Variants in USP49 observed in about 807,000 individuals in gnomAD.
USP49 encodes the protein ubiquitin carboxyl-terminal hydrolase 49.
USP49 carries 24 observed loss-of-function variants against 58.6 expected under a neutral mutation model. That is an observed-to-expected ratio of 0.41 (90% CI 0.30 to 0.58). The LOEUF (loss-of-function observed/expected upper bound fraction) is 0.58. Among genes scored for constraint, USP49 ranks in the 20% least tolerant of loss-of-function variants. USP49 has a pLI of 0.30. For synonymous variants in USP49, 408 were observed against 365.1 expected, an observed-to-expected ratio of 1.12 and a Z score of -1.34; for missense variants, 703 against 866.1, an observed-to-expected ratio of 0.81 and a Z score of 2.36.
At chr6:41,829,338 G>A (rs1211399232) in intron 3 of USP49, among the ~76,000 whole-genome samples, 1 of 150,530 alleles carries the variant, frequency 6.6e-6, no homozygotes, top group Non-Finnish European at 1.5e-5. Flanking sequence ...TTTTAAGATG[G>A]TGTTTCGCGC....
chr6:41,856,668 G>A (rs1174429881), intron 3 of USP49, among the ~76,000 whole-genome samples: 1 of 152,138 alleles, frequency 6.6e-6, no homozygotes, highest in Non-Finnish European at 1.5e-5. Context: ...GGTGCAAACT[G>A]TGCCAAACTC....
chr6:41,830,856 G>A (rs995109767), intron 3 of USP49, among the ~76,000 whole-genome samples: 3 of 151,808 alleles, frequency 2.0e-5, no homozygotes, highest in Non-Finnish European at 2.9e-5. Context: ...AAAGCAGCAC[G>A]AAGCACCAGT....
intron 3 of USP49, among the ~76,000 whole-genome samples, chr6:41,857,457 C>A (rs757320076): frequency 6.6e-6 from 1 of 152,116 alleles, no homozygotes; most frequent in Admixed American, 6.6e-5. Context: ...CCAGCCTGGA[C>A]AACATGGCAA....
chr6:41,849,631 C>CT (rs2127349637), intron 3 of USP49, among the ~76,000 whole-genome samples: 1 of 148,116 alleles, frequency 6.8e-6, no homozygotes, highest in African/African-American at 2.5e-5. Flanking sequence ...TTTTTGGAGA[C>CT]TGAGTGTTGC....
At chr6:41,880,223 C>G (rs188492723) in intron 2 of USP49, among the ~76,000 whole-genome samples, 1 of 151,360 alleles carries the variant, frequency 6.6e-6, no homozygotes, top group Non-Finnish European at 1.5e-5. Flanking sequence ...GTTCAAGACA[C>G]CCCCCAGAAA....
chr6:41,806,299 G>T lies in USP49; in HGVS notation c.685C>A (p.Leu229Ile). The change falls in exon 4 of 8, where the codon CTC (leucine) becomes ATC (isoleucine). Residue 229 changes from leucine (L) to isoleucine (I), a missense_variant. Physicochemically the swap from Leu to Ile is conservative, Grantham distance 5. Transcript: ENST00000682992. The surrounding 1 kb of genome is among the most constrained non-coding windows in gnomAD (Gnocchi z 5.9). The part of the protein sequence containing the change: ...AGPAASRPAA[L>I]PTSRRVPAAT... The stretch of plus-strand genomic sequence containing the variant: ...GCGGGCACTCTGCGTGAGGTAGGGA[G>T]GGCGGCGGGGCGCGAGGCAGCCGGG... The T allele has an allele frequency of 6.3e-7, 1 of 1,588,318 alleles. No homozygotes were observed. Among genetic ancestry groups the T allele is most frequent in the Non-Finnish European group, 8.5e-7 (1 of 1,172,708 alleles).
chr6:41,816,702 CTATTAT>C (rs10631115), intron 3 of USP49, among the ~76,000 whole-genome samples: 3 of 149,526 alleles, frequency 2.0e-5, no homozygotes, highest in African/African-American at 4.9e-5. Flanking sequence ...GTTCCACACT[CTATTAT>C]TATTATTATT....
At chr6:41,830,003 C>T (rs552609425) in intron 3 of USP49, among the ~76,000 whole-genome samples, 7 of 152,226 alleles carry the variant, frequency 4.6e-5, no homozygotes, top group African/African-American at 1.4e-4. Context: ...ATGAAACCAT[C>T]CTTGCATATA....
chr6:41,821,489 G>C (rs1020984378), intron 3 of USP49, among the ~76,000 whole-genome samples: 1 of 152,132 alleles, frequency 6.6e-6, no homozygotes, highest in Admixed American at 6.5e-5. Context: ...AGAAAAGTCC[G>C]AGGCCGGGCA....
At position 41,804,106 on chromosome 6, in the gene USP49, AGT is replaced by A. The variant is rs573154550; in HGVS notation, c.1357-98_1357-97del. On this transcript the variant is annotated intron_variant, in intron 4 of 7. Coordinates refer to ENST00000682992, the MANE Select transcript of USP49 (RefSeq NM_001286554.2). Reference sequence around the variant, plus strand: ...TAAAAGACACACTTTATCAAAACTAAGTGTATAATTTTCAAAAAATAGTAATA... The same window carrying A: ...TAAAAGACACACTTTATCAAAACTAAGTATAATTTTCAAAAAATAGTAATA... 151 of 1,107,614 alleles carry A rather than the reference AGT, an allele frequency of 1.4e-4. 2 individuals are homozygous for A. The South Asian group carries it at 2.2e-3, about 16-fold the overall frequency. 68.6% of individuals were successfully genotyped at this position (1,107,614 alleles called of 1,614,324 possible). A position where few individuals can be genotyped will look rare whatever the true frequency, so the allele number is the denominator to read the frequency against.
At chr6:41,850,890 C>T (rs1057330182) in intron 3 of USP49, among the ~76,000 whole-genome samples, 2 of 151,796 alleles carry the variant, frequency 1.3e-5, no homozygotes, top group African/African-American at 2.4e-5. Context: ...CGTAAGCCAC[C>T]GCGCCTGGCC....
chr6:41,830,884 T>C (rs528504499), intron 3 of USP49, among the ~76,000 whole-genome samples: 6 of 151,990 alleles, frequency 3.9e-5, no homozygotes, highest in African/African-American at 1.2e-4. Context: ...GGCCAAGAGA[T>C]TGTTATACAC....
At chr6:41,850,118 G>A (rs565316132) in intron 3 of USP49, among the ~76,000 whole-genome samples, 1 of 152,198 alleles carries the variant, frequency 6.6e-6, no homozygotes, top group Non-Finnish European at 1.5e-5. Context: ...GTGTTAAGAG[G>A]TCAATTTATG....
At chr6:41,802,470 T>TTAA in intron 5 of USP49, among the ~76,000 whole-genome samples, 1 of 85,616 alleles carries the variant, frequency 1.2e-5, no homozygotes, top group African/African-American at 5.1e-5. Flanking sequence ...ATTTATTTAT[T>TTAA]TTTTATTTAT....
At chr6:41,865,916 CTTTTTTTTT>C (rs34663718) in intron 3 of USP49, among the ~76,000 whole-genome samples, 2 of 65,390 alleles carry the variant, frequency 3.1e-5, no homozygotes, top group African/African-American at 6.6e-5. Context: ...AGCATGGTGC[CTTTTTTTTT>C]TTTTTTTTTT....
At chr6:41,855,518 A>C (rs932032975) in intron 3 of USP49, among the ~76,000 whole-genome samples, 3 of 152,166 alleles carry the variant, frequency 2.0e-5, no homozygotes, top group Non-Finnish European at 4.4e-5. Context: ...CTCTCTCAAA[A>C]AAACCAAACA....
intron 2 of USP49, among the ~76,000 whole-genome samples, chr6:41,880,225 C>T (rs974961421): frequency 2.6e-5 from 4 of 151,278 alleles, no homozygotes; most frequent in East Asian, 1.9e-4. Flanking sequence ...TCAAGACACC[C>T]CCCAGAAAGT....
chr6:41,875,999 G>A (rs754806270), intron 2 of USP49, among the ~76,000 whole-genome samples: 3 of 151,972 alleles, frequency 2.0e-5, no homozygotes, highest in Non-Finnish European at 4.4e-5. Flanking sequence ...CAAAGTGCTG[G>A]GATTACAGGT....
intron 3 of USP49, among the ~76,000 whole-genome samples, chr6:41,828,645 GT>G (rs376133396): frequency 5.9e-5 from 9 of 152,284 alleles, no homozygotes; most frequent in African/African-American, 1.7e-4. Flanking sequence ...AGTCAGATGT[GT>G]TGTAAATATC....
Sources: gnomAD v4.1 joint callset for allele counts (sites outside exome capture counted in the v4.1 genomes callset) on GRCh38, gnomAD v4.1.1 for gene constraint, Gnocchi (gnomAD v3.1) non-coding constraint, MANE v1.5 for transcripts, NCBI Gene and HGNC (gene_info 2026-07-23, HGNC 2026-07-21) for gene names.